RFTN2: variants seen among roughly 807,000 people sequenced by gnomAD.
RFTN2 encodes the protein raftlin family member 2, also known as raftlin-2.
Under a neutral mutation model 52.7 loss-of-function variants are expected in RFTN2, and 34 were observed. The observed-to-expected ratio is 0.64, with a 90% confidence interval of 0.49 to 0.86. The LOEUF is 0.86. RFTN2 is among the 40% of genes least tolerant of loss of function. The pLI is 0.00. For synonymous variants in RFTN2, 203 were observed against 217.7 expected (o/e 0.93, Z 0.59); for missense variants, 536 against 600.1 (o/e 0.89, Z 1.12).
At chr2:197,598,372 G>T (rs773978152) in intron 7 of RFTN2, among the ~76,000 whole-genome samples, 1 of 152,124 alleles carries the variant, frequency 6.6e-6, no homozygotes, top group Admixed American at 6.5e-5. Flanking sequence ...GACAGGGTAC[G>T]TGGGAATGCA....
chr2:197,673,274 G>A (rs2089171786), intron 1 of RFTN2, among the ~76,000 whole-genome samples: 1 of 152,112 alleles, frequency 6.6e-6, no homozygotes, highest in South Asian at 2.1e-4. Flanking sequence ...AAGCTGGCAT[G>A]TTTTAACCCA....
At chr2:197,672,659 CCAT>C (rs928267285) in intron 1 of RFTN2, among the ~76,000 whole-genome samples, 2 of 152,140 alleles carry the variant, frequency 1.3e-5, no homozygotes, top group Non-Finnish European at 2.9e-5. Context: ...GACGTCAGCA[CCAT>C]GAGAATACCC....
At chr2:197,644,374 T>C (rs2088718587) in intron 2 of RFTN2, 102 bp from the exon 3 acceptor site, 2 of 615,642 alleles carry the variant, frequency 3.2e-6, no homozygotes, top group East Asian at 2.9e-5. Flanking sequence ...AGGGTCAAGG[T>C]AATCATTTTT....
Position 197,597,514 on chromosome 2 carries a change from TTTTC to T in RFTN2, c.1155-1449_1155-1446del, listed in dbSNP as rs563474519. ...ATTTAATCCGTAAATTGTGTTTTCT[TTTTC>T]TTTCTTTCTTTTTTTTTTGAGATGG... On this transcript the variant is annotated intron_variant, in intron 7 of 8. Coordinates refer to ENST00000295049, the MANE Select transcript of RFTN2 (RefSeq NM_144629.3). Among the ~76,000 whole-genome samples, 19 of 152,216 alleles carry T rather than the reference TTTTC, an allele frequency of 1.2e-4. No homozygotes were observed. In the East Asian group the frequency reaches 1.3e-3, roughly 11 times the overall value.
chr2:197,603,504 TG>T (rs1416781924), intron 7 of RFTN2, among the ~76,000 whole-genome samples: 3 of 152,124 alleles, frequency 2.0e-5, no homozygotes, highest in African/African-American at 7.2e-5. Context: ...TGTATAGAGA[TG>T]GGGGTCTTGC....
rs770773850 is a variant in RFTN2, at chr2:197,631,021, T to G, written c.918A>C (p.Glu306Asp). The G allele has an allele frequency of 6.3e-7, 1 of 1,597,194 alleles. No homozygotes were observed. The highest frequency in any genetic ancestry group is 1.1e-5 in the South Asian group (1 of 90,264). ...LSLIDSFVFW[E>D]TSKGEHLPKS... ...TAACATAAAACTTACCTTTAGATGT[T>G]TCCCAGAATACAAAAGAATCAATTA... Residue 306 changes from glutamate (E) to aspartate (D), a missense_variant, in exon 5 of 9, where the codon GAA becomes GAC. Coordinates refer to ENST00000295049, the MANE Select transcript of RFTN2 (RefSeq NM_144629.3).
chr2:197,619,191 A>G (rs1181295297), intron 5 of RFTN2, among the ~76,000 whole-genome samples: 2 of 147,548 alleles, frequency 1.4e-5, no homozygotes, highest in Admixed American at 1.3e-4. Context: ...GGCTGCGCCT[A>G]CTGGGAAGTG....
Position 197,568,499 on chromosome 2 carries a change from A to G in RFTN2, c.*3509T>C, listed in dbSNP as rs2087269079. On this transcript the variant is annotated 3_prime_UTR_variant, in exon 9 of 9. Coordinates refer to ENST00000295049, the MANE Select transcript of RFTN2 (RefSeq NM_144629.3). ...AAATAAAATTCATTCTCAAGGGATG[A>G]TAGATTACCAGCAAATGTTATTTAA... 1 of 152,242 alleles carries G rather than the reference A, an allele frequency of 6.6e-6. No homozygotes were observed. The highest frequency in any genetic ancestry group is 2.4e-5 in the African/African-American group (1 of 41,454). The allele number at this position is 152,242 out of a possible 1,614,324, so 9.4% of individuals were successfully genotyped here.
At position 197,570,026 on chromosome 2, in the gene RFTN2, A is replaced by T. The variant is rs1189257408; in HGVS notation, c.*1982T>A. 6.6e-6 allele frequency: 1 copy of T among 151,836 alleles called. No individual in the cohort carries two copies. Among genetic ancestry groups the T allele is most frequent in the East Asian group, 1.9e-4 (1 of 5,194 alleles). The allele number at this position is 151,836 out of a possible 1,614,324, so 9.4% of individuals were successfully genotyped here. On this transcript the variant is annotated 3_prime_UTR_variant, in exon 9 of 9. Coordinates refer to ENST00000295049, the MANE Select transcript of RFTN2 (RefSeq NM_144629.3). The stretch of plus-strand genomic sequence containing the variant: ...TCTCTGTTTTTAATTTACTACTTCC[A>T]ATCCCCTATGTATGTGGGCTGAATG...
chr2:197,583,336 A>C (rs2087541351), intron 8 of RFTN2, among the ~76,000 whole-genome samples: 1 of 152,176 alleles, frequency 6.6e-6, no homozygotes, highest in Admixed American at 6.5e-5. Flanking sequence ...CTTGAACTGG[A>C]TGGGTAGAGG....
chr2:197,623,001 G>A (rs2088293437), intron 5 of RFTN2, among the ~76,000 whole-genome samples: 1 of 152,228 alleles, frequency 6.6e-6, no homozygotes, highest in African/African-American at 2.4e-5. Flanking sequence ...CAGCTCTGAT[G>A]AAGATATACA....
chr2:197,663,401 T>G (rs1271717367), intron 1 of RFTN2, among the ~76,000 whole-genome samples: 2 of 152,202 alleles, frequency 1.3e-5, no homozygotes, highest in South Asian at 4.1e-4. Flanking sequence ...AGATCATCTT[T>G]GTATGTTTGG....
At chr2:197,605,771 C>G (rs2106198695) in intron 7 of RFTN2, among the ~76,000 whole-genome samples, 1 of 152,250 alleles carries the variant, frequency 6.6e-6, no homozygotes, top group South Asian at 2.1e-4. Context: ...CCACTACCAA[C>G]AGATTAGTGC....
At chr2:197,640,658 C>A (rs559946608) in intron 3 of RFTN2, among the ~76,000 whole-genome samples, 1 of 152,200 alleles carries the variant, frequency 6.6e-6, no homozygotes, top group Non-Finnish European at 1.5e-5. Context: ...GAGATGAACC[C>A]GGTACCTCAG....
intron 8 of RFTN2, among the ~76,000 whole-genome samples, chr2:197,580,741 C>T (rs1444100675): frequency 6.6e-6 from 1 of 152,210 alleles, no homozygotes; most frequent in Non-Finnish European, 1.5e-5. Context: ...TTTCCCTTGC[C>T]TCCATAACTG....
At position 197,569,941 on chromosome 2, in the gene RFTN2, A is replaced by AG. The variant is rs1480872213; in HGVS notation, c.*2066_*2067insC. ...TGAGGCTCTGTCTCAAAAAAAAAAA[A>AG]AAAAAAAAAAAGTTATTGCTATATT... On this transcript the variant is annotated 3_prime_UTR_variant, in exon 9 of 9. Coordinates refer to ENST00000295049, the MANE Select transcript of RFTN2 (RefSeq NM_144629.3). The AG allele has an allele frequency of 6.6e-6, 1 of 151,700 alleles. No individual in the cohort carries two copies. Among genetic ancestry groups the AG allele is most frequent in the Non-Finnish European group, 1.5e-5 (1 of 67,922 alleles). The allele number at this position is 151,700 out of a possible 1,614,324, so 9.4% of individuals were successfully genotyped here.
rs1389382713 is a variant in RFTN2 at position 197,631,175 on chromosome 2, T to C, written c.764A>G (p.Asp255Gly). 1 of 1,613,562 alleles carries C rather than the reference T, an allele frequency of 6.2e-7. No homozygotes were observed. The highest frequency in any genetic ancestry group is 1.1e-5 in the South Asian group (1 of 91,000). The change falls in exon 5 of 9, where the codon GAT (aspartate) becomes GGT (glycine). Residue 255 changes from aspartate (D) to glycine (G), a missense_variant. By Grantham distance (94) the Asp-to-Gly change is moderately conservative. Coordinates refer to ENST00000295049, the MANE Select transcript of RFTN2 (RefSeq NM_144629.3). ...LYTVFNAFDD[D>G]STSWAYQEGI... is the part of the protein sequence containing the mutation. The stretch of plus-strand genomic sequence containing the variant: ...TTCCTGATAGGCCCAGGAGGTTGAA[T>C]CATCATCAAAAGCATTGAAGACTGT...
intron 7 of RFTN2, among the ~76,000 whole-genome samples, chr2:197,607,035 G>A (rs1051923195): frequency 3.3e-5 from 5 of 152,198 alleles, no homozygotes; most frequent in Non-Finnish European, 5.9e-5. Flanking sequence ...GCACACGTAT[G>A]TTTATTGTGG....
At chr2:197,656,001 G>A (rs1353102156) in intron 1 of RFTN2, among the ~76,000 whole-genome samples, 1 of 152,118 alleles carries the variant, frequency 6.6e-6, no homozygotes, top group Non-Finnish European at 1.5e-5. Context: ...AAGACCCACT[G>A]AAAGAAAACT....
Sources: gnomAD v4.1 joint callset for allele counts (sites outside exome capture counted in the v4.1 genomes callset) on GRCh38, gnomAD v4.1.1 for gene constraint, MANE v1.5 for transcripts, NCBI Gene and HGNC (gene_info 2026-07-23, HGNC 2026-07-21) for gene names.